The following TMCO5A variants were observed in gnomAD, a reference collection of about 807,000 sequenced individuals.
TMCO5A encodes transmembrane and coiled-coil domain-containing protein 5A.
TMCO5A carries 34 observed loss-of-function variants against 42.3 expected under a neutral mutation model. The ratio of observed to expected loss-of-function variants is 0.80; its 90% CI spans 0.61 to 1.07. TMCO5A has a LOEUF of 1.07. Among genes scored for constraint, TMCO5A ranks in the 50% least tolerant of loss-of-function variants. The pLI is 0.00. For missense variants in TMCO5A, 357 were observed against 327.9 expected, an observed-to-expected ratio of 1.09 and a Z score of -0.69; for synonymous variants, 131 against 115.6, an observed-to-expected ratio of 1.13 and a Z score of -0.86.
At chr15:38,005,569 G>A in the TMCO5A span, among the ~76,000 whole-genome samples, 3 of 151,836 alleles carry the variant, frequency 2.0e-5, no homozygotes, top group Non-Finnish European at 2.9e-5. Context: ...AGAGTAAGAC[G>A]CTGTCTCTAA....
chr15:37,952,148 T>A (rs1267870514), downstream of TMCO5A, among the ~76,000 whole-genome samples: 2 of 152,124 alleles, frequency 1.3e-5, no homozygotes, highest in African/African-American at 4.8e-5. Context: ...TAAAGTACTC[T>A]GGAGGCTTAT....
Position 37,938,192 on chromosome 15 carries a change from A to T in TMCO5A, c.350A>T (p.Glu117Val). The T allele has an allele frequency of 1.9e-6, 3 of 1,583,156 alleles. No homozygotes were observed. Among genetic ancestry groups the T allele is most frequent in the Non-Finnish European group, 2.6e-6 (3 of 1,163,320 alleles). The change falls in exon 6 of 12, where the codon GAA (glutamate) becomes GTA (valine). Residue 117 changes from glutamate (E) to valine (V), a missense_variant. Transcript: ENST00000319669. ...AAATCACAAAAGATAACCAATTGTG[A>T]ACAAAGCAGTCCAGATGGAGCCCTA... ...TRKSQKITNCEQSSPDGALEE... is the reference protein window; with the variant it reads ...TRKSQKITNCVQSSPDGALEE...
chr15:37,968,671 C>T (rs150469316), downstream of TMCO5A, among the ~76,000 whole-genome samples: 530 of 151,812 alleles, frequency 3.5e-3, 3 homozygotes, highest in African/African-American at 0.012. Flanking sequence ...CAACTTCCAC[C>T]GCCCAGGTTC....
At chr15:37,980,640 A>AC in the TMCO5A span, among the ~76,000 whole-genome samples, 2 of 130,366 alleles carry the variant, frequency 1.5e-5, no homozygotes, top group African/African-American at 7.7e-5. Flanking sequence ...ATCTTGGCAA[A>AC]AAAAAAAAAA....
the TMCO5A span, among the ~76,000 whole-genome samples, chr15:37,973,639 T>C: frequency 6.6e-6 from 1 of 152,192 alleles, no homozygotes; most frequent in Non-Finnish European, 1.5e-5. Context: ...TTTGCTGAAG[T>C]TGTTTATCAG....
At chr15:37,957,028 C>T (rs1298195132) in intron 11 of TMCO5A, among the ~76,000 whole-genome samples, 1 of 152,052 alleles carries the variant, frequency 6.6e-6, no homozygotes, top group Non-Finnish European at 1.5e-5. Flanking sequence ...AGGTTTTCGA[C>T]AAAATTCAAC....
chr15:37,993,380 T>TTA, the TMCO5A span: 5 of 152,080 alleles, frequency 3.3e-5, no homozygotes, highest in African/African-American at 1.2e-4. Context: ...TGGGTTTTTT[T>TTA]TTTTATTTTT....
chr15:37,993,690 T>C, the TMCO5A span, among the ~76,000 whole-genome samples: 1 of 152,178 alleles, frequency 6.6e-6, no homozygotes, highest in African/African-American at 2.4e-5. Context: ...GGGGAGGGTG[T>C]AACAATGGCT....
At chr15:37,946,582 C>T (rs912288263) in intron 10 of TMCO5A, among the ~76,000 whole-genome samples, 7 of 152,048 alleles carry the variant, frequency 4.6e-5, no homozygotes, top group African/African-American at 1.4e-4. Flanking sequence ...TTTCACTTCC[C>T]TTGTAAGCTG....
downstream of TMCO5A, among the ~76,000 whole-genome samples, chr15:37,971,255 C>A (rs919267079): frequency 7.2e-5 from 11 of 152,180 alleles, no homozygotes; most frequent in African/African-American, 2.7e-4. Context: ...GTGGAAGCTG[C>A]CAAGGCTTGG....
the TMCO5A span, among the ~76,000 whole-genome samples, chr15:38,036,725 C>T: frequency 1.3e-5 from 2 of 152,188 alleles, no homozygotes; most frequent in Admixed American, 1.3e-4. Flanking sequence ...ACCACCTTTT[C>T]TTACTCCTGC....
chr15:38,024,368 A>C, the TMCO5A span, among the ~76,000 whole-genome samples: 5 of 152,150 alleles, frequency 3.3e-5, no homozygotes, highest in African/African-American at 1.2e-4. Flanking sequence ...TAGCTAATTA[A>C]AGTAACATGC....
the TMCO5A span, among the ~76,000 whole-genome samples, chr15:37,993,729 T>A: frequency 2.6e-5 from 4 of 152,006 alleles, no homozygotes; most frequent in Non-Finnish European, 5.9e-5. Flanking sequence ...ATCTCCAAGA[T>A]CAAAAATAGC....
the TMCO5A span, among the ~76,000 whole-genome samples, chr15:37,992,918 T>C: frequency 1.3e-5 from 2 of 152,158 alleles, no homozygotes; most frequent in Non-Finnish European, 2.9e-5. Flanking sequence ...ATTACCTGGG[T>C]GATAAAATAA....
the TMCO5A span, among the ~76,000 whole-genome samples, chr15:37,978,914 G>A: frequency 1.6e-4 from 25 of 152,184 alleles, no homozygotes; most frequent in Admixed American, 1.6e-3. Context: ...GCATCTTAAT[G>A]GCAGGAGCAG....
At chr15:37,951,909 C>A (rs1403626286), downstream of TMCO5A, among the ~76,000 whole-genome samples, 2 of 152,034 alleles carry the variant, frequency 1.3e-5, no homozygotes, top group Non-Finnish European at 2.9e-5. Flanking sequence ...CATCCTCCAG[C>A]AGCAAGGGTG....
the TMCO5A span, chr15:38,025,118 C>T: frequency 6.6e-6 from 1 of 151,690 alleles, no homozygotes; most frequent in Non-Finnish European, 1.5e-5. Context: ...TGGTTCCCTT[C>T]TTGGACTTTT....
At chr15:37,956,131 C>T (rs914834144), downstream of TMCO5A, among the ~76,000 whole-genome samples, 12 of 152,034 alleles carry the variant, frequency 7.9e-5, no homozygotes, top group Non-Finnish European at 1.8e-4. Flanking sequence ...TAAATGCCCA[C>T]AAGAGAAAGG....
the TMCO5A span, among the ~76,000 whole-genome samples, chr15:37,982,110 C>T: frequency 7.2e-5 from 11 of 152,252 alleles, 1 homozygote; most frequent in South Asian, 1.9e-3. Flanking sequence ...AAACTTGTCC[C>T]ATTTTTCACA....
Sources: gnomAD v4.1 joint callset for allele counts (sites outside exome capture counted in the v4.1 genomes callset) on GRCh38, gnomAD v4.1.1 for gene constraint, MANE v1.5 for transcripts, NCBI Gene and HGNC (gene_info 2026-07-23, HGNC 2026-07-21) for gene names.